The following PTK2B variants were observed in gnomAD, a reference collection of about 807,000 sequenced individuals.
The protein encoded by PTK2B is protein-tyrosine kinase 2-beta.
In PTK2B, 71 loss-of-function variants were observed where a neutral mutation model predicts 142.9. The ratio of observed to expected loss-of-function variants is 0.50; its 90% CI spans 0.41 to 0.61. The LOEUF is 0.61. PTK2B is among the 20% of genes least tolerant of loss of function. The probability of loss-of-function intolerance (pLI) is 0.00; values close to 1 mark genes in which losing one functional copy is unlikely to be tolerated. For synonymous variants in PTK2B, 519 were observed against 503.4 expected (o/e 1.03, Z -0.42); for missense variants, 1,105 against 1,320.4 (o/e 0.84, Z 2.53).
intron 10 of PTK2B, 94 bp downstream of exon 10, chr8:27,432,455 C>G (rs1190504595): frequency 4.4e-6 from 5 of 1,133,368 alleles, no homozygotes; most frequent in Non-Finnish European, 6.3e-6. Context: ...CTGTGACACA[C>G]AGGAAGCCAG....
chr8:27,311,209 G>C (rs761766074), upstream of PTK2B: 13 of 1,586,420 alleles, frequency 8.2e-6, no homozygotes, highest in African/African-American at 4.0e-5. Context: ...GGGAAGGCCC[G>C]GGGGACACGT....
chr8:27,435,772 G>A lies in PTK2B; in HGVS notation c.1222G>A (p.Glu408Lys), dbSNP rs1810735650. The A allele has an allele frequency of 1.9e-6, 3 of 1,614,114 alleles. No individual in the cohort carries two copies. Among genetic ancestry groups the A allele is most frequent in the Non-Finnish European group, 2.5e-6 (3 of 1,180,038 alleles). The change falls in exon 14 of 31, where the codon GAA becomes AAA. Residue 408 changes from glutamate to lysine, a missense_variant. Transcript: ENST00000346049. ...ESDIYAEIPD[E>K]TLRRPGGPQY... ...AGACATCTACGCAGAGATTCCCGACGAAACCCTGCGAAGGCCCGGAGGTAG... is the reference window on the plus strand; with the variant it reads ...AGACATCTACGCAGAGATTCCCGACAAAACCCTGCGAAGGCCCGGAGGTAG...
At chr8:27,364,093 G>A (rs957970122) in intron 1 of PTK2B, among the ~76,000 whole-genome samples, 29 of 152,198 alleles carry the variant, frequency 1.9e-4, no homozygotes, top group Non-Finnish European at 1.6e-4. Context: ...TCAGCGTCCC[G>A]TTTTACAGAG....
chr8:27,446,731 A>C (rs966172894), intron 24 of PTK2B, among the ~76,000 whole-genome samples: 1 of 152,200 alleles, frequency 6.6e-6, no homozygotes, highest in Non-Finnish European at 1.5e-5. Context: ...AACATGACTA[A>C]AATATTTTTT....
At chr8:27,329,534 C>G (rs945851096) in intron 1 of PTK2B, among the ~76,000 whole-genome samples, 27 of 152,168 alleles carry the variant, frequency 1.8e-4, no homozygotes, top group Admixed American at 1.6e-3. Flanking sequence ...CCATATGTCT[C>G]AGGACCATGT....
intron 1 of PTK2B, among the ~76,000 whole-genome samples, chr8:27,345,450 C>T (rs983429406): frequency 2.6e-5 from 4 of 152,182 alleles, no homozygotes; most frequent in African/African-American, 7.2e-5. Flanking sequence ...TGGGCCACAG[C>T]GAGGACCTGC....
intron 21 of PTK2B, 139 bp from the exon 22 acceptor site, chr8:27,442,736 G>A (rs561828142): frequency 9.1e-6 from 6 of 660,972 alleles, no homozygotes; most frequent in East Asian, 8.3e-5. Context: ...AGGACACTCT[G>A]CAGTGAAGAT....
intron 30 of PTK2B, among the ~76,000 whole-genome samples, chr8:27,456,094 T>G (rs1047647238): frequency 6.6e-6 from 1 of 152,234 alleles, no homozygotes; most frequent in Admixed American, 6.5e-5. Context: ...CTCCTTACCC[T>G]TGGGATGCCA....
chr8:27,400,449 A>T (rs1184340643), intron 2 of PTK2B, among the ~76,000 whole-genome samples: 8 of 43,584 alleles, frequency 1.8e-4, no homozygotes, highest in Non-Finnish European at 1.3e-4. Context: ...GATTGAATTA[A>T]AAAAAAAAAA....
At chr8:27,451,168 C>T (rs1811785775) in intron 26 of PTK2B, 90 bp downstream of exon 26, 3 of 1,412,184 alleles carry the variant, frequency 2.1e-6, no homozygotes, top group Admixed American at 3.6e-5. Flanking sequence ...TGCTCCTACC[C>T]CCAGGCCTGC....
upstream of PTK2B, among the ~76,000 whole-genome samples, chr8:27,323,610 G>A (rs1319788910): frequency 6.6e-6 from 1 of 152,078 alleles, no homozygotes; most frequent in Non-Finnish European, 1.5e-5. Context: ...GGAATTTGAG[G>A]GCTCCTGAGG....
intron 2 of PTK2B, among the ~76,000 whole-genome samples, chr8:27,401,351 G>C (rs1808377638): frequency 6.6e-6 from 1 of 152,216 alleles, no homozygotes; most frequent in African/African-American, 2.4e-5. Flanking sequence ...CAGATGCTCA[G>C]AAAGGATCCC....
Position 27,420,756 on chromosome 8 carries a change from T to G in PTK2B, c.471+12T>G. ...ATTTTTACCAACAGGTAAAAAGTAC[T>G]TTATCTTCTTGCCCCGAGGCTCCCA... On this transcript the variant is annotated intron_variant, in intron 4 of 30. Coordinates refer to ENST00000346049, the MANE Select transcript of PTK2B (RefSeq NM_173176.3). 2 of 1,597,448 alleles carry G rather than the reference T, an allele frequency of 1.3e-6. No homozygotes were observed. The highest frequency in any genetic ancestry group is 1.7e-6 in the Non-Finnish European group (2 of 1,165,192).
rs115709778 is a variant in PTK2B, at chr8:27,403,318, C to T, written c.204+5530C>T. ...GTCGCGAATCGCCCTGAACAGTCCACATGGCAACACATTTCCAAAACATAG... is the reference window on the plus strand; with the variant it reads ...GTCGCGAATCGCCCTGAACAGTCCATATGGCAACACATTTCCAAAACATAG... On this transcript the variant is annotated intron_variant, in intron 2 of 30. Transcript: ENST00000346049. 2.6e-3 allele frequency among the ~76,000 whole-genome samples: 391 copies of T among 152,314 alleles called. 1 individual carries two copies. The highest frequency in any genetic ancestry group is 8.7e-3 in the African/African-American group (363 of 41,558).
intron 22 of PTK2B, 77 bp from the exon 23 acceptor site, chr8:27,444,113 GCCTGAGGTGTCTTTGA>G (rs1811322864): frequency 1.3e-5 from 17 of 1,324,292 alleles, no homozygotes; most frequent in Non-Finnish European, 1.8e-5. Flanking sequence ...TTTGGAACAA[GCCTGAGGTGTCTTTGA>G]CCTGATGTTC....
chr8:27,451,802 T>G, intron 27 of PTK2B: 2 of 1,278,478 alleles, frequency 1.6e-6, no homozygotes, highest in Non-Finnish European at 2.0e-6. Context: ...AAATTCTCTC[T>G]TCCTCATTTC....
rs148302830 is a variant in PTK2B, at chr8:27,410,023, A to C, written c.205-9872A>C. ...AAGTGTGAGCCACCATGCCTGGCCT[A>C]AGACTTTTTTTCAACAAAAGCTTAA... On this transcript the variant is annotated intron_variant, in intron 2 of 30. Coordinates refer to ENST00000346049, the MANE Select transcript of PTK2B (RefSeq NM_173176.3). Among the ~76,000 whole-genome samples, 1,388 of 152,352 alleles carry C rather than the reference A, an allele frequency of 9.1e-3. 25 individuals are homozygous for C. Among genetic ancestry groups the C allele is most frequent in the African/African-American group, 0.032 (1,337 of 41,580 alleles).
chr8:27,432,902 C>T (rs1394013300), intron 10 of PTK2B, among the ~76,000 whole-genome samples: 1 of 152,144 alleles, frequency 6.6e-6, no homozygotes, highest in Non-Finnish European at 1.5e-5. Flanking sequence ...TCTCAGCTCA[C>T]TGTAACCTCC....
chr8:27,331,472 T>G (rs1563465960), intron 1 of PTK2B, among the ~76,000 whole-genome samples: 1 of 70,166 alleles, frequency 1.4e-5, no homozygotes, highest in Non-Finnish European at 4.3e-5. Context: ...TTTTTTTTTC[T>G]TTTCTTTTTT....
Sources: allele counts gnomAD v4.1 joint callset (sites outside exome capture counted in the v4.1 genomes callset), GRCh38; gene constraint gnomAD v4.1.1; transcripts MANE v1.5; gene names NCBI Gene and HGNC (gene_info 2026-07-23, HGNC 2026-07-21).